SLC9A7: variants seen among roughly 807,000 people sequenced by gnomAD.
SLC9A7 encodes the protein sodium/hydrogen exchanger 7.
In SLC9A7, 19 loss-of-function variants were observed where a neutral mutation model predicts 52.6. The observed-to-expected ratio is 0.36, with a 90% CI of 0.25 to 0.53. The LOEUF is 0.53. Ranked by LOEUF, SLC9A7 falls within the 20% of genes least tolerant of loss-of-function variation. The probability of loss-of-function intolerance (pLI) is 0.91; values close to 1 mark genes in which losing one functional copy is unlikely to be tolerated. For missense variants in SLC9A7, 455 were observed against 597.9 expected, an observed-to-expected ratio of 0.76 and a Z score of 2.49; for synonymous variants, 226 against 252.1, an observed-to-expected ratio of 0.90 and a Z score of 0.98.
intron 11 of SLC9A7, among the ~76,000 whole-genome samples, chrX:46,646,104 T>C (rs1009454634): frequency 1.8e-5 from 2 of 111,558 alleles, no homozygotes; most frequent in Non-Finnish European, 3.8e-5. Context: ...TTGTTTTTGT[T>C]TTTTTACATC....
At chrX:46,742,437 A>G (rs1407214978) in intron 1 of SLC9A7, among the ~76,000 whole-genome samples, 3 of 111,241 alleles carry the variant, frequency 2.7e-5, no homozygotes, top group Non-Finnish European at 5.7e-5. Flanking sequence ...AAAAAAAAAG[A>G]CCTAATTATA....
intron 1 of SLC9A7, among the ~76,000 whole-genome samples, chrX:46,683,206 A>G (rs1008047664): frequency 9.1e-6 from 1 of 109,461 alleles, no homozygotes; most frequent in African/African-American, 3.3e-5. Context: ...TTTTCTGGCC[A>G]GGACAGCACA....
intron 13 of SLC9A7, among the ~76,000 whole-genome samples, chrX:46,633,729 T>C (rs1943271959): frequency 9.3e-6 from 1 of 107,589 alleles, no homozygotes; most frequent in Non-Finnish European, 1.9e-5. Flanking sequence ...TGGAGTGCAC[T>C]GGTGTGATCT....
chrX:46,753,982 T>A (rs959607156), intron 1 of SLC9A7, among the ~76,000 whole-genome samples: 5 of 69,656 alleles, frequency 7.2e-5, no homozygotes, highest in East Asian at 6.2e-4. Flanking sequence ...TGAGACTCTG[T>A]CTCAAATAAT....
intron 1 of SLC9A7, among the ~76,000 whole-genome samples, chrX:46,734,504 T>C (rs1186815027): frequency 8.9e-6 from 1 of 111,930 alleles, no homozygotes; most frequent in Admixed American, 9.5e-5. Context: ...TCAATCTTTG[T>C]TTTTCTGGGA....
At chrX:46,614,277 T>G (rs943506142) in intron 15 of SLC9A7, among the ~76,000 whole-genome samples, 1 of 111,988 alleles carries the variant, frequency 8.9e-6, no homozygotes, top group Non-Finnish European at 1.9e-5. Flanking sequence ...ACATCAAATG[T>G]GCTCAGAACA....
chrX:46,732,867 T>C (rs1450106054), intron 1 of SLC9A7, among the ~76,000 whole-genome samples: 1 of 111,647 alleles, frequency 9.0e-6, no homozygotes, highest in Non-Finnish European at 1.9e-5. Flanking sequence ...ATCCAAACAA[T>C]AGAATACCAC....
At position 46,721,167 on chromosome X, in the gene SLC9A7, A is replaced by G. The variant is rs990732463; in HGVS notation, c.325+37538T>C. Among the ~76,000 whole-genome samples the G allele has an allele frequency of 1.7e-4, 19 of 112,339 alleles. 1 individual carries two copies. Among genetic ancestry groups the G allele is most frequent in the Non-Finnish European group, 2.6e-4 (14 of 53,313 alleles). The stretch of plus-strand genomic sequence containing the variant: ...ATTTAAGGTGATCTTACAAAATTCC[A>G]GGGAATAATTCTTATTCTTAATAAA... On this transcript the variant is annotated intron_variant, in intron 1 of 16. Coordinates refer to ENST00000616978, the MANE Select transcript of SLC9A7 (RefSeq NM_001257291.2).
At chrX:46,654,958 C>CTT (rs1367939233) in intron 7 of SLC9A7, among the ~76,000 whole-genome samples, 1 of 89,297 alleles carries the variant, frequency 1.1e-5, no homozygotes, top group Non-Finnish European at 2.4e-5. Context: ...CACTGTATTT[C>CTT]TTTTTTTCTT....
At chrX:46,731,131 C>T (rs950031403) in intron 1 of SLC9A7, among the ~76,000 whole-genome samples, 4 of 109,736 alleles carry the variant, frequency 3.6e-5, no homozygotes, top group African/African-American at 1.3e-4. Flanking sequence ...TAGAGAAATA[C>T]CAATGGACCA....
chrX:46,604,756 T>C lies in SLC9A7; in HGVS notation c.*2196A>G, dbSNP rs1955797144. The C allele has an allele frequency of 8.9e-6, 1 of 112,496 alleles. No individual in the cohort carries two copies. The highest frequency in any genetic ancestry group is 3.6e-4 in the South Asian group (1 of 2,783). 9.3% of individuals were successfully genotyped at this position (112,496 alleles called of 1,213,427 possible). A position where few individuals can be genotyped will look rare whatever the true frequency, so the allele number is the denominator to read the frequency against. On this transcript the variant is annotated 3_prime_UTR_variant, in exon 17 of 17. Transcript: ENST00000616978. ...CTCAATTTTATTTTATTGAACCATA[T>C]GAAATTGCCACTCCTGTTTTTACAA...
chrX:46,638,792 ATAAT>A (rs2146745663), intron 12 of SLC9A7, among the ~76,000 whole-genome samples: 1 of 112,330 alleles, frequency 8.9e-6, no homozygotes, highest in South Asian at 3.7e-4. Context: ...TTTAAGAAAA[ATAAT>A]TAACACCAAT....
At chrX:46,716,342 GAAGA>G (rs1944768696) in intron 1 of SLC9A7, among the ~76,000 whole-genome samples, 1 of 112,066 alleles carries the variant, frequency 8.9e-6, no homozygotes, top group Admixed American at 9.5e-5. Flanking sequence ...ATTAAAAAGA[GAAGA>G]AACAAACATT....
chrX:46,660,102 A>G (rs1252131994), intron 7 of SLC9A7, among the ~76,000 whole-genome samples: 1 of 108,325 alleles, frequency 9.2e-6, no homozygotes, highest in East Asian at 2.9e-4. Flanking sequence ...CAAACCTGAG[A>G]AAAACAAGCA....
chrX:46,653,518 G>A lies in SLC9A7; in HGVS notation c.1147+91C>T, dbSNP rs767609787. 24 of 558,511 alleles carry A rather than the reference G, an allele frequency of 4.3e-5. No homozygotes were observed. The African/African-American group carries it at 4.8e-4, about 11-fold the overall frequency. The allele number at this position is 558,511 out of a possible 1,213,427, so 46.0% of individuals were successfully genotyped here. On this transcript the variant is annotated intron_variant, in intron 8 of 16. Coordinates refer to ENST00000616978, the MANE Select transcript of SLC9A7 (RefSeq NM_001257291.2). ...TTGCTGAACAGTTAAACTCTGTGCAGCTGTTATCTAAGAATTCTTCCCTTC... is the reference window on the plus strand; with the variant it reads ...TTGCTGAACAGTTAAACTCTGTGCAACTGTTATCTAAGAATTCTTCCCTTC...
chrX:46,745,722 G>A (rs1271993155), intron 1 of SLC9A7, among the ~76,000 whole-genome samples: 1 of 109,760 alleles, frequency 9.1e-6, no homozygotes, highest in Admixed American at 9.8e-5. Context: ...GTATGTGCCT[G>A]TAGTCCTATC....
At chrX:46,620,176 C>T (rs1178787769) in intron 15 of SLC9A7, among the ~76,000 whole-genome samples, 1 of 111,406 alleles carries the variant, frequency 9.0e-6, no homozygotes, top group Non-Finnish European at 1.9e-5. Context: ...ATCCCAGCAC[C>T]TTGGGAGGCT....
intron 3 of SLC9A7, among the ~76,000 whole-genome samples, chrX:46,679,325 G>A (rs962820935): frequency 8.9e-6 from 1 of 112,337 alleles, no homozygotes; most frequent in Non-Finnish European, 1.9e-5. Flanking sequence ...ATTACAACTT[G>A]GTATGAACGA....
At chrX:46,694,482 G>A (rs1159540886) in intron 1 of SLC9A7, among the ~76,000 whole-genome samples, 1 of 111,269 alleles carries the variant, frequency 9.0e-6, no homozygotes, top group Non-Finnish European at 1.9e-5. Flanking sequence ...ATAAGCACAC[G>A]AAAAGATGGT....
Sources: gnomAD v4.1 joint callset for allele counts (sites outside exome capture counted in the v4.1 genomes callset) on GRCh38, gnomAD v4.1.1 for gene constraint, MANE v1.5 for transcripts, NCBI Gene and HGNC (gene_info 2026-07-23, HGNC 2026-07-21) for gene names.